EXOC4: variants seen among roughly 807,000 people sequenced by gnomAD.
The protein encoded by EXOC4 is exocyst complex component 4.
In EXOC4, 71 loss-of-function variants were observed where a neutral mutation model predicts 107.2. The ratio of observed to expected loss-of-function variants is 0.66; its 90% confidence interval spans 0.55 to 0.81. EXOC4 has a LOEUF of 0.81. Ranked by LOEUF, EXOC4 falls within the 30% of genes least tolerant of loss-of-function variation. The pLI is 0.00. For synonymous variants in EXOC4, 456 were observed against 441.2 expected (o/e 1.03, Z -0.42); for missense variants, 1,108 against 1,189.6 (o/e 0.93, Z 1.01).
At chr7:133,306,876 C>T (rs1794764892) in intron 4 of EXOC4, among the ~76,000 whole-genome samples, 1 of 151,994 alleles carries the variant, frequency 6.6e-6, no homozygotes, top group Non-Finnish European at 1.5e-5. Context: ...ATTTAATGGC[C>T]TGGGTAGTCT....
chr7:133,308,623 C>G (rs973270779), intron 4 of EXOC4, among the ~76,000 whole-genome samples: 8 of 151,844 alleles, frequency 5.3e-5, no homozygotes, highest in Non-Finnish European at 8.8e-5. Context: ...GGATCAGAAG[C>G]AATAATTAGA....
chr7:133,257,213 A>G (rs1251957250), intron 1 of EXOC4, among the ~76,000 whole-genome samples: 1 of 143,200 alleles, frequency 7.0e-6, no homozygotes, highest in Non-Finnish European at 1.5e-5. Context: ...AAGTCTTGCC[A>G]CTGGCCCTTT....
At chr7:133,936,504 G>A (rs755614073) in intron 13 of EXOC4, among the ~76,000 whole-genome samples, 5 of 152,154 alleles carry the variant, frequency 3.3e-5, no homozygotes, top group Admixed American at 6.5e-5. Flanking sequence ...CTCAGGTAAG[G>A]TGTGTGAGAT....
At chr7:133,662,608 A>G (rs939627637) in intron 10 of EXOC4, among the ~76,000 whole-genome samples, 11 of 149,204 alleles carry the variant, frequency 7.4e-5, no homozygotes, top group African/African-American at 2.5e-4. Context: ...ACAGTTCTGA[A>G]TGTTTTTTAA....
chr7:133,278,866 C>T (rs13246883), intron 2 of EXOC4, among the ~76,000 whole-genome samples: 1 of 151,944 alleles, frequency 6.6e-6, no homozygotes, highest in African/African-American at 2.4e-5. Context: ...ATGTGCACAA[C>T]GTGCAGGTTT....
intron 4 of EXOC4, among the ~76,000 whole-genome samples, chr7:133,313,990 CAT>C (rs1794934051): frequency 6.6e-6 from 1 of 152,164 alleles, no homozygotes; most frequent in South Asian, 2.1e-4. Context: ...AATTTGTAAT[CAT>C]GTATTTAAAA....
At chr7:133,628,706 C>T (rs1033485590) in intron 9 of EXOC4, among the ~76,000 whole-genome samples, 2 of 152,178 alleles carry the variant, frequency 1.3e-5, no homozygotes, top group African/African-American at 4.8e-5. Flanking sequence ...GGTGAATTGT[C>T]ACCCACACAG....
At chr7:133,753,845 G>A (rs1795844239) in intron 10 of EXOC4, among the ~76,000 whole-genome samples, 2 of 152,186 alleles carry the variant, frequency 1.3e-5, no homozygotes, top group African/African-American at 2.4e-5. Flanking sequence ...AGACTTTATG[G>A]GTTGTGGAAT....
chr7:133,257,386 G>A (rs1430874685), intron 1 of EXOC4, among the ~76,000 whole-genome samples: 2 of 145,142 alleles, frequency 1.4e-5, no homozygotes, highest in African/African-American at 5.2e-5. Context: ...ACACACACAC[G>A]TGCACACACA....
Position 133,671,713 on chromosome 7 carries a change from A to T in EXOC4, c.1514+41572A>T, listed in dbSNP as rs1793950085. ...GTAACAGTGGAGGGGAGAAGTGGTC[A>T]CATTCTGGATGAAGTGTGAAGATTT... On this transcript the variant is annotated intron_variant, in intron 10 of 17. Coordinates refer to ENST00000253861, the MANE Select transcript of EXOC4 (RefSeq NM_021807.4). Among the ~76,000 whole-genome samples the T allele has an allele frequency of 2.0e-5, 3 of 152,298 alleles. No homozygotes were observed. In the South Asian group the frequency reaches 6.2e-4, roughly 32 times the overall value.
rs985969493 is a variant in EXOC4, at chr7:133,514,563, G to A, written c.1417+34425G>A. 2.6e-5 allele frequency among the ~76,000 whole-genome samples: 4 copies of A among 152,138 alleles called. 1 individual carries two copies. The highest frequency in any genetic ancestry group is 2.1e-4 in the South Asian group (1 of 4,826). ...ATGTTTTAGAAAATTTGACCAAGAG[G>A]TGCTTTTGAGCAGCATTAGATAACC... is the stretch of plus-strand genomic sequence containing the variant. On this transcript the variant is annotated intron_variant, in intron 9 of 17. Coordinates refer to ENST00000253861, the MANE Select transcript of EXOC4 (RefSeq NM_021807.4).
At chr7:133,311,729 T>C (rs1193292006) in intron 4 of EXOC4, among the ~76,000 whole-genome samples, 2 of 152,204 alleles carry the variant, frequency 1.3e-5, no homozygotes, top group Admixed American at 6.5e-5. Flanking sequence ...TGAGGAAATA[T>C]ATGTATGTCA....
chr7:133,502,564 T>A (rs1320123531), intron 9 of EXOC4, among the ~76,000 whole-genome samples: 1 of 152,104 alleles, frequency 6.6e-6, no homozygotes, highest in Non-Finnish European at 1.5e-5. Context: ...TTTTCATTGG[T>A]GTTTTTAATT....
At chr7:133,527,201 C>T (rs1194253819) in intron 9 of EXOC4, among the ~76,000 whole-genome samples, 2 of 151,742 alleles carry the variant, frequency 1.3e-5, no homozygotes, top group South Asian at 2.1e-4. Flanking sequence ...GTCAGGAGTT[C>T]GAGTCCAGCC....
chr7:134,019,077 G>A (rs995326680), intron 17 of EXOC4, among the ~76,000 whole-genome samples: 11 of 151,982 alleles, frequency 7.2e-5, no homozygotes, highest in Admixed American at 3.3e-4. Flanking sequence ...TTAAAGGCAC[G>A]CGCCACTACA....
intron 5 of EXOC4, among the ~76,000 whole-genome samples, chr7:133,330,858 G>A (rs182116082): frequency 3.9e-5 from 6 of 151,980 alleles, no homozygotes; most frequent in East Asian, 1.9e-4. Flanking sequence ...CTTCTGCGTC[G>A]ATCTCACTGG....
chr7:134,054,206 C>G (rs903272158), intron 17 of EXOC4, among the ~76,000 whole-genome samples: 1 of 152,200 alleles, frequency 6.6e-6, no homozygotes, highest in African/African-American at 2.4e-5. Flanking sequence ...CTTGGCCTCC[C>G]AAAGTGCTGG....
chr7:133,904,590 G>A (rs1467987492), intron 12 of EXOC4, among the ~76,000 whole-genome samples: 2 of 152,146 alleles, frequency 1.3e-5, no homozygotes, highest in Non-Finnish European at 2.9e-5. Flanking sequence ...ACCTGTTGGT[G>A]CCCACTGTCA....
intron 14 of EXOC4, among the ~76,000 whole-genome samples, chr7:133,977,679 T>G (rs6467512): frequency 0.32 from 47,872 of 151,880 alleles, 7,786 homozygotes; most frequent in South Asian, 0.42. Context: ...GTTTTGTTGT[T>G]GTGGTTTATT....
Sources: gnomAD v4.1 joint callset for allele counts (sites outside exome capture counted in the v4.1 genomes callset) on GRCh38, gnomAD v4.1.1 for gene constraint, MANE v1.5 for transcripts, NCBI Gene and HGNC (gene_info 2026-07-23, HGNC 2026-07-21) for gene names.